SLC39A11: variants seen among roughly 807,000 people sequenced by gnomAD.
SLC39A11 encodes the protein zinc transporter ZIP11.
A neutral mutation model predicts 36.1 loss-of-function variants in SLC39A11; 33 were observed. The ratio of observed to expected loss-of-function variants is 0.91; its 90% confidence interval spans 0.69 to 1.22. The LOEUF is 1.22. Among genes scored for constraint, SLC39A11 ranks in the 50% most tolerant of loss-of-function variants. SLC39A11 has a pLI of 0.00. For synonymous variants in SLC39A11, 166 were observed against 170.3 expected (o/e 0.97, Z 0.20); for missense variants, 432 against 430.3 (o/e 1.00, Z -0.03).
chr17:72,651,511 G>A (rs2069851472), intron 7 of SLC39A11, among the ~76,000 whole-genome samples: 1 of 152,208 alleles, frequency 6.6e-6, no homozygotes, highest in African/African-American at 2.4e-5. Flanking sequence ...TAACAAAACA[G>A]GTGGCATTAG....
chr17:73,038,380 A>G (rs2058994159), intron 3 of SLC39A11, among the ~76,000 whole-genome samples: 1 of 151,898 alleles, frequency 6.6e-6, no homozygotes, highest in South Asian at 2.1e-4. Flanking sequence ...GAACAAAGTG[A>G]TTCCCAGGCA....
In SLC39A11 at chr17:73,083,873, T is replaced by C. The variant is rs910813394; in HGVS notation, c.147+935A>G. On this transcript the variant is annotated intron_variant, in intron 3 of 9. Transcript: ENST00000255559. ...ATCTGAATATGGACTGGATGTTAGA[T>C]CATAAAAAGGAATTATTAATTTGGT... is the stretch of plus-strand genomic sequence containing the variant. Among the ~76,000 whole-genome samples the C allele has an allele frequency of 3.3e-5, 5 of 152,328 alleles. No homozygotes were observed. In the South Asian group the frequency reaches 8.3e-4, roughly 25 times the overall value.
chr17:72,805,893 C>T (rs1211978560), intron 6 of SLC39A11, among the ~76,000 whole-genome samples: 2 of 151,982 alleles, frequency 1.3e-5, no homozygotes, highest in Non-Finnish European at 1.5e-5. Flanking sequence ...GGACTACAGG[C>T]ACCTGCCACC....
intron 5 of SLC39A11, among the ~76,000 whole-genome samples, chr17:72,945,249 T>G (rs866959290): frequency 1.3e-5 from 2 of 152,240 alleles, no homozygotes; most frequent in South Asian, 4.1e-4. Flanking sequence ...CCGTCACTGC[T>G]GCTGCTCCTC....
At chr17:72,993,554 C>T (rs1436634131) in intron 4 of SLC39A11, among the ~76,000 whole-genome samples, 5 of 152,148 alleles carry the variant, frequency 3.3e-5, no homozygotes, top group Non-Finnish European at 7.4e-5. Flanking sequence ...ATTTTGGAGG[C>T]GATTCCACTG....
chr17:72,799,054 AGTGT>A (rs747854395), intron 6 of SLC39A11, among the ~76,000 whole-genome samples: 6 of 152,046 alleles, frequency 3.9e-5, no homozygotes, highest in Admixed American at 3.3e-4. Context: ...CTTGGACGTG[AGTGT>A]GTGTGTCTGT....
chr17:73,040,548 C>T (rs2059070771), intron 3 of SLC39A11, among the ~76,000 whole-genome samples: 1 of 152,148 alleles, frequency 6.6e-6, no homozygotes, highest in South Asian at 2.1e-4. Context: ...TTAGCTTTGA[C>T]AAATGTGTCA....
chr17:73,011,850 T>C (rs1185545807), intron 4 of SLC39A11, among the ~76,000 whole-genome samples: 4 of 151,072 alleles, frequency 2.6e-5, no homozygotes, highest in Admixed American at 2.0e-4. Flanking sequence ...TGGGTAGAGA[T>C]GGGGTTTCAC....
chr17:72,957,988 G>A (rs923446375), intron 4 of SLC39A11, among the ~76,000 whole-genome samples: 13 of 152,152 alleles, frequency 8.5e-5, no homozygotes, highest in East Asian at 7.7e-4. Context: ...GCAAAACTCC[G>A]TCTCAACATC....
At chr17:72,742,907 C>T (rs907295341) in intron 6 of SLC39A11, among the ~76,000 whole-genome samples, 3 of 152,166 alleles carry the variant, frequency 2.0e-5, no homozygotes, top group African/African-American at 7.2e-5. Flanking sequence ...TCATCTTAAA[C>T]CGCAAGGATA....
At chr17:72,918,070 A>G (rs902727968) in intron 5 of SLC39A11, among the ~76,000 whole-genome samples, 1 of 152,212 alleles carries the variant, frequency 6.6e-6, no homozygotes, top group Non-Finnish European at 1.5e-5. Context: ...TCTGGTGCTT[A>G]TTATCTCTCC....
intron 6 of SLC39A11, among the ~76,000 whole-genome samples, chr17:72,770,514 T>A (rs560713135): frequency 6.6e-6 from 1 of 152,328 alleles, no homozygotes; most frequent in South Asian, 2.1e-4. Flanking sequence ...TGGCGGCTCT[T>A]CTTCCCAGGC....
intron 7 of SLC39A11, among the ~76,000 whole-genome samples, chr17:72,727,651 CAAAAAAAAAAAAA>C (rs57874434): frequency 0.12 from 9,073 of 73,322 alleles, 376 homozygotes; most frequent in African/African-American, 0.18. Context: ...GACTCCGTCT[CAAAAAAAAAAAAA>C]AAAAAAAAGA....
intron 3 of SLC39A11, among the ~76,000 whole-genome samples, chr17:73,047,990 A>AAATATATATATATAT (rs1555693446): frequency 3.4e-5 from 2 of 58,678 alleles, no homozygotes; most frequent in Non-Finnish European, 6.0e-5. Flanking sequence ...AAAAAAAAAA[A>AAATATATATATATAT]ATATATATAT....
chr17:72,652,897 A>G (rs751204739), intron 7 of SLC39A11, among the ~76,000 whole-genome samples: 9 of 152,272 alleles, frequency 5.9e-5, no homozygotes, highest in East Asian at 1.9e-4. Context: ...TGGGTTGTAC[A>G]GAAACTCCCG....
rs149631409 is a variant in SLC39A11, at chr17:73,081,331, T to C, written c.147+3477A>G. On this transcript the variant is annotated intron_variant, in intron 3 of 9. Transcript: ENST00000255559. Reference sequence around the variant, plus strand: ...AAAATCAGAATATAATAGCTGTTGGTGTGGATGTGGTGAAAAGGGAACACT... The same window carrying C: ...AAAATCAGAATATAATAGCTGTTGGCGTGGATGTGGTGAAAAGGGAACACT... Among the ~76,000 whole-genome samples, 1,158 of 152,118 alleles carry C rather than the reference T, an allele frequency of 7.6e-3. 16 individuals are homozygous for C. The highest frequency in any genetic ancestry group is 0.025 in the African/African-American group (1,046 of 41,502).
chr17:72,862,091 A>AT (rs750979569), intron 5 of SLC39A11, among the ~76,000 whole-genome samples: 10 of 152,140 alleles, frequency 6.6e-5, no homozygotes, highest in East Asian at 3.9e-4. Flanking sequence ...TTTCTCTGCC[A>AT]TTTTTTTATT....
intron 7 of SLC39A11, among the ~76,000 whole-genome samples, chr17:72,705,260 G>A (rs2072839978): frequency 6.6e-6 from 1 of 152,168 alleles, no homozygotes; most frequent in Non-Finnish European, 1.5e-5. Flanking sequence ...TGAAGACAGT[G>A]GGGAAAAGGC....
intron 7 of SLC39A11, among the ~76,000 whole-genome samples, chr17:72,666,978 AT>A (rs1380830880): frequency 3.9e-5 from 6 of 152,176 alleles, no homozygotes; most frequent in Non-Finnish European, 7.3e-5. Context: ...GGTGCTTCCC[AT>A]TTGCACCTTC....
Sources: allele counts gnomAD v4.1 joint callset (sites outside exome capture counted in the v4.1 genomes callset), GRCh38; gene constraint gnomAD v4.1.1; transcripts MANE v1.5; gene names NCBI Gene and HGNC (gene_info 2026-07-23, HGNC 2026-07-21).